Variants in GALNT5 observed in about 807,000 individuals in gnomAD.
GALNT5 encodes the protein UDP-GalNAc:polypeptide N-acetylgalactosaminyltransferase 5.
In GALNT5, 72 loss-of-function variants were observed where a neutral mutation model predicts 85.4. The observed-to-expected ratio is 0.84, with a 90% confidence interval of 0.70 to 1.03. The LOEUF is 1.03. Ranked by LOEUF, GALNT5 falls within the 50% of genes least tolerant of loss-of-function variation. The probability of loss-of-function intolerance (pLI) is 0.00; values close to 1 mark genes in which losing one functional copy is unlikely to be tolerated. For missense variants in GALNT5, 1,137 were observed against 1,135.5 expected (o/e 1.00, Z -0.02); for synonymous variants, 404 against 397.0 (o/e 1.02, Z -0.21).
chr2:157,296,327 A>G, intron 4 of GALNT5, 67 bp from the exon 5 acceptor site: 1 of 1,297,450 alleles, frequency 7.7e-7, no homozygotes, highest in Non-Finnish European at 1.1e-6. Flanking sequence ...CGTGAAGCCA[A>G]ATCGATAAAG....
chr2:157,300,200 A>C (rs1044580155), intron 6 of GALNT5, among the ~76,000 whole-genome samples: 26 of 152,212 alleles, frequency 1.7e-4, no homozygotes, highest in African/African-American at 6.0e-4. Flanking sequence ...GTGTCCAAAA[A>C]GTAATTGCTT....
chr2:157,288,873 T>C (rs1311062638), intron 3 of GALNT5, among the ~76,000 whole-genome samples: 2 of 152,116 alleles, frequency 1.3e-5, no homozygotes, highest in South Asian at 2.1e-4. Flanking sequence ...AGCTTCATCA[T>C]AGATTGTGCA....
At chr2:157,291,838 A>G (rs1683107897) in intron 3 of GALNT5, among the ~76,000 whole-genome samples, 1 of 152,072 alleles carries the variant, frequency 6.6e-6, no homozygotes, top group African/African-American at 2.4e-5. Context: ...TAGGGTCACT[A>G]TAGTTAACAA....
chr2:157,276,882 T>C (rs1358620732), intron 1 of GALNT5, among the ~76,000 whole-genome samples: 1 of 152,190 alleles, frequency 6.6e-6, no homozygotes, highest in Admixed American at 6.5e-5. Context: ...GTGTAAGCTC[T>C]TGCTTGTCTA....
Position 157,299,538 on chromosome 2 carries a change from C to A in GALNT5, c.1998-10C>A. ...ATGCAAGTTTAAAAAACAAACTTTT[C>A]TTTTTGTAGGTGCCCTGTCATGGCT... On this transcript the variant is annotated splice_polypyrimidine_tract_variant and intron_variant, in intron 5 of 9. Transcript: ENST00000259056. 1 of 1,540,928 alleles carries A rather than the reference C, an allele frequency of 6.5e-7. No individual in the cohort carries two copies. The highest frequency in any genetic ancestry group is 8.9e-7 in the Non-Finnish European group (1 of 1,120,462).
intron 7 of GALNT5, among the ~76,000 whole-genome samples, chr2:157,305,328 G>T (rs1683431584): frequency 6.6e-6 from 1 of 152,192 alleles, no homozygotes; most frequent in Non-Finnish European, 1.5e-5. Context: ...ATGATTCAGT[G>T]CTTAAGCAGT....
chr2:157,289,157 G>A (rs1009553367), intron 3 of GALNT5, among the ~76,000 whole-genome samples: 15 of 152,290 alleles, frequency 9.8e-5, no homozygotes, highest in African/African-American at 3.6e-4. Flanking sequence ...CACAGAGTAT[G>A]CTAGTAACGG....
chr2:157,265,398 A>C (rs2105147636), intron 1 of GALNT5, among the ~76,000 whole-genome samples: 1 of 152,342 alleles, frequency 6.6e-6, no homozygotes, highest in Middle Eastern at 3.4e-3. Flanking sequence ...TTCTGCTACT[A>C]GTTCAAATTC....
intron 1 of GALNT5, among the ~76,000 whole-genome samples, chr2:157,279,188 C>T (rs1682801360): frequency 1.3e-5 from 2 of 152,130 alleles, no homozygotes; most frequent in Non-Finnish European, 2.9e-5. Context: ...CCTTCCTCTG[C>T]CTGAAGCTTC....
chr2:157,314,711 T>C lies in GALNT5; in HGVS notation c.*3363T>C, dbSNP rs898452516. The stretch of plus-strand genomic sequence containing the variant: ...AGGCACTCATGCAATAGAATAAGAT[T>C]GAAACATGCCAGAGAGTACCATCTT... On this transcript the variant is annotated 3_prime_UTR_variant, in exon 10 of 10. Transcript: ENST00000259056. Among the ~76,000 whole-genome samples, 2 of 152,198 alleles carry C rather than the reference T, an allele frequency of 1.3e-5. No homozygotes were observed. The highest frequency in any genetic ancestry group is 4.8e-5 in the African/African-American group (2 of 41,446).
At chr2:157,293,923 T>C (rs183010613) in intron 3 of GALNT5, among the ~76,000 whole-genome samples, 2 of 152,240 alleles carry the variant, frequency 1.3e-5, no homozygotes, top group African/African-American at 4.8e-5. Context: ...CATTGCTGTT[T>C]GTTAGCTGTG....
rs1261389351 is a variant in GALNT5, at chr2:157,305,782, A to T, written c.2473A>T (p.Ile825Phe). The T allele has an allele frequency of 1.2e-6, 2 of 1,609,582 alleles. No individual in the cohort carries two copies. Among genetic ancestry groups the T allele is most frequent in the Admixed American group, 1.7e-5 (1 of 59,964 alleles). ...TGTGGCTTTGGGTAAATGCATTTCC[A>T]TTGAAAACACTACAGTCATTCTGGA... ...INVALGKCIS[I>F]ENTTVILEDC... Residue 825 changes from isoleucine to phenylalanine, a missense_variant, in exon 8 of 10, where the codon ATT (isoleucine) becomes TTT (phenylalanine). By Grantham distance (21) the Ile-to-Phe change is conservative. Coordinates refer to ENST00000259056, the MANE Select transcript of GALNT5 (RefSeq NM_014568.3).
rs142278605 is a variant in GALNT5, at chr2:157,263,670, C to T, written c.1454+4134C>T. 7.2e-5 allele frequency among the ~76,000 whole-genome samples: 11 copies of T among 152,312 alleles called. No homozygotes were observed. The East Asian group carries it at 1.7e-3, about 24-fold the overall frequency. ...TACATTCAGAAGCAACAGGTTTACA[C>T]AGTATGAATTTACAATTTGTTTCTC... On this transcript the variant is annotated intron_variant, in intron 1 of 9. Coordinates refer to ENST00000259056, the MANE Select transcript of GALNT5 (RefSeq NM_014568.3).
At position 157,258,791 on chromosome 2, in the gene GALNT5, G is replaced by A. The variant is rs150890101; in HGVS notation, c.709G>A (p.Glu237Lys). Residue 237 changes from glutamate to lysine, a missense_variant, in exon 1 of 10, where the codon GAG becomes AAG. Transcript: ENST00000259056. ...PKQRSQAVANERAHPASTAVP... is the reference protein window; with the variant it reads ...PKQRSQAVANKRAHPASTAVP... ...GCAGCGATCACAGGCAGTAGCAAACGAGAGGGCACACCCTGCCAGCACAGC... is the reference window on the plus strand; with the variant it reads ...GCAGCGATCACAGGCAGTAGCAAACAAGAGGGCACACCCTGCCAGCACAGC... The A allele has an allele frequency of 8.1e-6, 13 of 1,605,920 alleles. No individual in the cohort carries two copies. Among genetic ancestry groups the A allele is most frequent in the Admixed American group, 1.7e-5 (1 of 59,680 alleles).
At position 157,313,891 on chromosome 2, in the gene GALNT5, A is replaced by T. The variant is rs1437257919; in HGVS notation, c.*2543A>T. 6.6e-6 allele frequency: 1 copy of T among 152,202 alleles called. No individual in the cohort carries two copies. Among genetic ancestry groups the T allele is most frequent in the Non-Finnish European group, 1.5e-5 (1 of 68,036 alleles). The allele number at this position is 152,202 out of a possible 1,614,324, so 9.4% of individuals were successfully genotyped here. A position where few individuals can be genotyped will look rare whatever the true frequency, so the allele number is the denominator to read the frequency against. ...CAAATTTGTTCTTGGATAGAATTTT[A>T]TACATTGCTTTTCATCATATATTTG... On this transcript the variant is annotated 3_prime_UTR_variant, in exon 10 of 10. Transcript: ENST00000259056.
In GALNT5 at chr2:157,259,544, C is replaced by T. The variant is rs1220694169; in HGVS notation, c.1454+8C>T. Reference sequence around the variant, plus strand: ...AGACACCAGACCTGCTGGGTAAGACCTATTTCTCTTCTCTTTCCTCAACCC... The same window carrying T: ...AGACACCAGACCTGCTGGGTAAGACTTATTTCTCTTCTCTTTCCTCAACCC... On this transcript the variant is annotated splice_region_variant and intron_variant, in intron 1 of 9. Transcript: ENST00000259056. The T allele has an allele frequency of 1.5e-6, 2 of 1,319,614 alleles. No individual in the cohort carries two copies. Among genetic ancestry groups the T allele is most frequent in the African/African-American group, 3.0e-5 (2 of 66,640 alleles). 81.7% of individuals were successfully genotyped at this position (1,319,614 alleles called of 1,614,324 possible).
intron 9 of GALNT5, among the ~76,000 whole-genome samples, chr2:157,309,470 G>C (rs1683523777): frequency 6.6e-6 from 1 of 152,170 alleles, no homozygotes; most frequent in South Asian, 2.1e-4. Flanking sequence ...ACAGAATACG[G>C]AGTCATAAGC....
intron 5 of GALNT5, chr2:157,299,299 T>C: frequency 2.7e-6 from 1 of 371,566 alleles, no homozygotes; most frequent in Non-Finnish European, 4.9e-6. Context: ...GGACAGTTTG[T>C]GTCACAGTAT....
At position 157,270,414 on chromosome 2, in the gene GALNT5, T is replaced by A. The variant is rs370129311; in HGVS notation, c.1454+10878T>A. 2.1e-4 allele frequency among the ~76,000 whole-genome samples: 32 copies of A among 152,334 alleles called. No homozygotes were observed. The South Asian group carries it at 6.6e-3, about 32-fold the overall frequency. The stretch of plus-strand genomic sequence containing the variant: ...CAGCATTCTCTCCCATTGCCCATAG[T>A]ATCTGTCCAAAATATTCTCCATTCT... On this transcript the variant is annotated intron_variant, in intron 1 of 9. Transcript: ENST00000259056.
Sources: gnomAD v4.1 joint callset for allele counts (sites outside exome capture counted in the v4.1 genomes callset) on GRCh38, gnomAD v4.1.1 for gene constraint, MANE v1.5 for transcripts, NCBI Gene and HGNC (gene_info 2026-07-23, HGNC 2026-07-21) for gene names.